Variants in KDM6A observed in about 807,000 individuals in gnomAD.
The protein encoded by KDM6A is lysine demethylase 6A, also known as lysine-specific demethylase 6A.
Under a neutral mutation model 117.6 loss-of-function variants are expected in KDM6A, and 11 were observed. That is an observed-to-expected ratio of 0.09 (90% CI 0.06 to 0.15). The LOEUF (loss-of-function observed/expected upper bound fraction) is 0.15. KDM6A is among the 10% of genes least tolerant of loss of function. The pLI, the probability that KDM6A is intolerant of heterozygous loss-of-function variation, is 1.00. For synonymous variants in KDM6A, 384 were observed against 396.1 expected, an observed-to-expected ratio of 0.97 and a Z score of 0.36; for missense variants, 799 against 1,077.3, an observed-to-expected ratio of 0.74 and a Z score of 3.62.
At chrX:44,939,444 C>A (rs963246083) in intron 2 of KDM6A, among the ~76,000 whole-genome samples, 1 of 111,820 alleles carries the variant, frequency 8.9e-6, no homozygotes, top group African/African-American at 3.3e-5. Context: ...GCTGCTATCT[C>A]GTGATAAAAC....
intron 2 of KDM6A, among the ~76,000 whole-genome samples, chrX:44,921,075 A>T (rs144171358): frequency 0.038 from 4,182 of 109,250 alleles, 107 homozygotes; most frequent in Non-Finnish European, 0.058. Context: ...GGGTTTCACC[A>T]TGTTGGCCAG....
chrX:45,069,917 G>A lies in KDM6A; in HGVS notation c.2418G>A (p.Met806Ile), dbSNP rs2148044966. The change falls in exon 18 of 30, where the codon ATG becomes ATA. Residue 806 changes from methionine to isoleucine, a missense_variant. Physicochemically the swap from Met to Ile is conservative, Grantham distance 10 (BLOSUM62 1). Around this residue, in one of 8 missense-constraint regions of KDM6A, gnomAD observed 301 missense variants for 318.3 expected, o/e 0.95. Transcript: ENST00000611820. ...GACTTCCTAATCATGTCCATCAGAT[G>A]ACGGCAGATGCTGTTTGCAGTCCTA... is the stretch of plus-strand genomic sequence containing the variant. ...VEGLPNHVHQ[M>I]TADAVCSPSH... The A allele has an allele frequency of 8.3e-7, 1 of 1,211,571 alleles. No individual in the cohort carries two copies. Among genetic ancestry groups the A allele is most frequent in the African/African-American group, 1.7e-5 (1 of 57,792 alleles).
intron 4 of KDM6A, among the ~76,000 whole-genome samples, chrX:45,000,649 G>A (rs892565148): frequency 1.2e-4 from 13 of 112,776 alleles, no homozygotes; most frequent in African/African-American, 3.9e-4. Flanking sequence ...TCCAAGGAAC[G>A]CCGTTTCTTC....
At chrX:44,919,106 G>A (rs1331847017) in intron 2 of KDM6A, among the ~76,000 whole-genome samples, 1 of 111,684 alleles carries the variant, frequency 9.0e-6, no homozygotes, top group African/African-American at 3.3e-5. Context: ...TAAAGACAGA[G>A]CATTCCTGCA....
intron 8 of KDM6A, among the ~76,000 whole-genome samples, chrX:45,042,641 TTCTCTACATAGGAAGAAGTTTCCCCAC>T: frequency 9.5e-6 from 1 of 105,147 alleles, no homozygotes; most frequent in East Asian, 3.1e-4. Flanking sequence ...GTTTCTCTAC[TTCTCTACATAGGAAGAAGTTTCCCCAC>T]TTCTCTACAT....
intron 4 of KDM6A, among the ~76,000 whole-genome samples, chrX:45,009,226 A>AG (rs2041645184): frequency 8.9e-6 from 1 of 112,255 alleles, no homozygotes; most frequent in African/African-American, 3.2e-5. Flanking sequence ...ATGCTAAACA[A>AG]GGGGTGAATT....
chrX:45,046,111 T>A (rs1287806625), intron 8 of KDM6A, among the ~76,000 whole-genome samples: 2 of 111,529 alleles, frequency 1.8e-5, no homozygotes, highest in Non-Finnish European at 3.8e-5. Context: ...CAATATACTA[T>A]GACCAAGTGT....
At chrX:44,884,694 G>A (rs942169670) in intron 2 of KDM6A, among the ~76,000 whole-genome samples, 1 of 111,463 alleles carries the variant, frequency 9.0e-6, no homozygotes, top group Admixed American at 9.6e-5. Flanking sequence ...GTGAGATGGA[G>A]GCAGACTTAA....
At chrX:45,106,524 C>T (rs750567402) in intron 27 of KDM6A, 20 of 338,760 alleles carry the variant, frequency 5.9e-5, no homozygotes, top group Middle Eastern at 4.4e-4. Flanking sequence ...GTTGCTAAAC[C>T]CATTTCCTTT....
chrX:44,951,857 A>C (rs757153912), intron 2 of KDM6A, among the ~76,000 whole-genome samples: 16 of 111,931 alleles, frequency 1.4e-4, no homozygotes, highest in African/African-American at 4.9e-4. Context: ...CTTTGTGACC[A>C]TGAGCACAGG....
rs2148050118 is a variant in KDM6A, at chrX:45,070,076, T to C, written c.2577T>C (p.Val859=). Residue 859 remains valine (V), a synonymous_variant, in exon 18 of 30, where the codon GTT becomes GTC. Coordinates refer to ENST00000611820, the MANE Select transcript of KDM6A (RefSeq NM_001291415.2). ...AAGTCAATAACATCCACCCAGCTGT[T>C]CATACAAAGACTGATAACTCTGTTG... The part of the protein sequence containing the change: ...CDKVNNIHPA[V]HTKTDNSVAS... The C allele has an allele frequency of 8.3e-7, 1 of 1,211,693 alleles. No homozygotes were observed. The highest frequency in any genetic ancestry group is 1.1e-6 in the Non-Finnish European group (1 of 895,428).
chrX:45,072,882 C>CAT (rs908405834), intron 18 of KDM6A, among the ~76,000 whole-genome samples: 8 of 103,775 alleles, frequency 7.7e-5, no homozygotes, highest in African/African-American at 2.2e-4. Context: ...TATATATATA[C>CAT]ATATATATAC....
chrX:45,024,208 G>A (rs1297238545), intron 6 of KDM6A, among the ~76,000 whole-genome samples: 1 of 111,889 alleles, frequency 8.9e-6, no homozygotes, highest in Non-Finnish European at 1.9e-5. Context: ...TTAAGGAACC[G>A]CCACACTGTT....
At chrX:45,001,739 A>C (rs1244092348) in intron 4 of KDM6A, among the ~76,000 whole-genome samples, 1 of 111,727 alleles carries the variant, frequency 9.0e-6, no homozygotes, top group Non-Finnish European at 1.9e-5. Flanking sequence ...TTAGTTTGAT[A>C]GTGTTTTCCC....
intron 4 of KDM6A, among the ~76,000 whole-genome samples, chrX:45,001,637 A>G (rs956244108): frequency 4.5e-5 from 5 of 111,914 alleles, no homozygotes; most frequent in African/African-American, 1.6e-4. Flanking sequence ...GGCAAAATTG[A>G]CTTGGTTATG....
intron 28 of KDM6A, among the ~76,000 whole-genome samples, chrX:45,108,976 G>T (rs1344457811): frequency 1.8e-4 from 16 of 89,801 alleles, no homozygotes; most frequent in Non-Finnish European, 3.1e-4. Flanking sequence ...TTGTGGGATG[G>T]GGGGAGGGGG....
chrX:44,919,447 A>C, intron 2 of KDM6A, among the ~76,000 whole-genome samples: 1 of 110,805 alleles, frequency 9.0e-6, no homozygotes, highest in Non-Finnish European at 1.9e-5. Flanking sequence ...GAGGAAGATC[A>C]CAGAAGTCAG....
At chrX:44,906,528 C>T (rs1298262770) in intron 2 of KDM6A, among the ~76,000 whole-genome samples, 2 of 109,959 alleles carry the variant, frequency 1.8e-5, no homozygotes, top group African/African-American at 3.3e-5. Flanking sequence ...TTCCCTTAAT[C>T]GTTTAGAGGT....
At chrX:44,998,200 G>A (rs1373437679) in intron 4 of KDM6A, among the ~76,000 whole-genome samples, 2 of 111,860 alleles carry the variant, frequency 1.8e-5, no homozygotes, top group Non-Finnish European at 3.8e-5. Context: ...AATAGGCCAA[G>A]TATGTAAAGT....
Sources: allele counts gnomAD v4.1 joint callset (sites outside exome capture counted in the v4.1 genomes callset), GRCh38; gene constraint gnomAD v4.1.1; regional missense constraint gnomAD v4.1.1; transcripts MANE v1.5; gene names NCBI Gene and HGNC (gene_info 2026-07-23, HGNC 2026-07-21).